PCLO: variants seen among roughly 807,000 people sequenced by gnomAD.
PCLO encodes the protein protein piccolo.
PCLO carries 82 observed loss-of-function variants against 427.5 expected under a neutral mutation model. The observed-to-expected ratio is 0.19, with a 90% CI of 0.16 to 0.23. The LOEUF is 0.23. Ranked by LOEUF, PCLO falls within the 10% of genes least tolerant of loss-of-function variation. PCLO has a pLI of 1.00. For missense variants in PCLO, 6,239 were observed against 6,115.9 expected (o/e 1.02, Z -0.67); for synonymous variants, 2,357 against 2,155.4 (o/e 1.09, Z -2.59).
At chr7:82,806,249 T>G (rs531532767) in intron 20 of PCLO, among the ~76,000 whole-genome samples, 1 of 152,236 alleles carries the variant, frequency 6.6e-6, no homozygotes, top group East Asian at 1.9e-4. Context: ...AAATTGCTTA[T>G]TTTTTTCCTA....
intron 3 of PCLO, among the ~76,000 whole-genome samples, chr7:83,073,003 T>C (rs1281622303): frequency 2.0e-5 from 3 of 151,976 alleles, no homozygotes; most frequent in African/African-American, 7.2e-5. Context: ...CTGTCTGTTT[T>C]ACTAGTCTAT....
chr7:83,095,384 C>A (rs1456043488), intron 3 of PCLO, among the ~76,000 whole-genome samples: 3 of 151,568 alleles, frequency 2.0e-5, no homozygotes, highest in Non-Finnish European at 4.4e-5. Flanking sequence ...TTAAAAAGTT[C>A]CTTGTTTTAT....
rs1402675628 is a variant in PCLO at position 82,965,828 on chromosome 7, C to T, written c.3960G>A (p.Gln1320=). The change falls in exon 4 of 25, where the codon CAG becomes CAA. Residue 1320 remains glutamine, a synonymous_variant. Transcript: ENST00000333891. ...DDKTTKTIKE[Q]PQPPCTAKPD... is the part of the protein sequence containing the mutation. ...GTTTTGCTGTGCATGGTGGCTGTGG[C>T]TGTTCTTTTATTGTTTTGGTTGTCT... 6.2e-7 allele frequency: 1 copy of T among 1,613,698 alleles called. No homozygotes were observed. Among genetic ancestry groups the T allele is most frequent in the Non-Finnish European group, 8.5e-7 (1 of 1,179,816 alleles).
At chr7:83,093,617 C>T (rs191617582) in intron 3 of PCLO, among the ~76,000 whole-genome samples, 3 of 147,738 alleles carry the variant, frequency 2.0e-5, no homozygotes, top group Admixed American at 1.4e-4. Flanking sequence ...CTCAGCCTCC[C>T]GAGTAGCTGG....
intron 3 of PCLO, among the ~76,000 whole-genome samples, chr7:83,030,137 AAAG>A (rs1205705892): frequency 1.3e-5 from 2 of 150,688 alleles, no homozygotes; most frequent in African/African-American, 4.8e-5. Flanking sequence ...AAAAAAAAGA[AAAG>A]AAAAGACTCA....
intron 3 of PCLO, among the ~76,000 whole-genome samples, chr7:83,036,915 C>A (rs879779841): frequency 2.0e-5 from 3 of 151,992 alleles, no homozygotes; most frequent in Non-Finnish European, 4.4e-5. Context: ...TTCAAAGTTA[C>A]TTCCTGGTCT....
At position 82,822,581 on chromosome 7, in the gene PCLO, G is replaced by A. The variant is rs1216172630; in HGVS notation, c.14705C>T (p.Thr4902Ile). The change falls in exon 20 of 25, where the codon ACC becomes ATC. Residue 4902 changes from threonine to isoleucine, a missense_variant. Transcript: ENST00000333891. Reference sequence around the variant, plus strand: ...TTCCAGGTGGGTCTGAGTGACGCTGGTTTTGCTTTGACTGCGAGATGGTCC... The same window carrying A: ...TTCCAGGTGGGTCTGAGTGACGCTGATTTTGCTTTGACTGCGAGATGGTCC... ...SHGPSRSQSK[T>I]SVTQTHLEDA... is the part of the protein sequence containing the mutation. 6.2e-7 allele frequency: 1 copy of A among 1,613,904 alleles called. No homozygotes were observed. Among genetic ancestry groups the A allele is most frequent in the Admixed American group, 1.7e-5 (1 of 59,996 alleles).
intron 2 of PCLO, among the ~76,000 whole-genome samples, chr7:83,150,101 T>A (rs963096077): frequency 1.3e-5 from 2 of 152,248 alleles, no homozygotes; most frequent in African/African-American, 4.8e-5. Flanking sequence ...ATTATGAAAT[T>A]TAATAAGAGT....
intron 2 of PCLO, among the ~76,000 whole-genome samples, chr7:83,153,064 T>A (rs1792177276): frequency 6.6e-6 from 1 of 151,912 alleles, no homozygotes; most frequent in African/African-American, 2.4e-5. Context: ...CACTATAAAG[T>A]GATCATCTAT....
chr7:82,761,387 G>T lies in PCLO; in HGVS notation c.15114C>A (p.Tyr5038Ter). 2 of 1,512,770 alleles carry T rather than the reference G, an allele frequency of 1.3e-6. No individual in the cohort carries two copies. The highest frequency in any genetic ancestry group is 1.8e-6 in the Non-Finnish European group (2 of 1,102,962). The allele number at this position is 1,512,770 out of a possible 1,614,324, so 93.7% of individuals were successfully genotyped here. A position where few individuals can be genotyped will look rare whatever the true frequency, so the allele number is the denominator to read the frequency against. The change falls in exon 23 of 25, where the codon TAC becomes TAA. Residue 5038 changes from tyrosine (Y) to a stop codon, truncating the protein, a stop_gained. Coordinates refer to ENST00000333891, the MANE Select transcript of PCLO (RefSeq NM_033026.6). LOFTEE classifies it high-confidence loss of function. The part of the protein sequence containing the change: ...VEILQCRNIT[Y>*]KFKSPDHLPD... The stretch of plus-strand genomic sequence containing the variant: ...GTAGATGATCAGGAGACTTAAATTT[G>T]TATGTAATATTTCTGCATTGGAGAA...
Position 83,162,445 on chromosome 7 carries a change from C to A in PCLO, c.148G>T (p.Glu50Ter), listed in dbSNP as rs752667654. 1 of 1,595,140 alleles carries A rather than the reference C, an allele frequency of 6.3e-7. No individual in the cohort carries two copies. Among genetic ancestry groups the A allele is most frequent in the Non-Finnish European group, 8.5e-7 (1 of 1,170,742 alleles). ...GCGGCGATCTGTCTCCTCTCCTCTT[C>A]GCTCAGCTGGCTCAAATCCGCCTCC... Reference protein sequence around the residue: ...GMEADLSQLSEEERRQIAAVM... With the variant: ...GMEADLSQLS The change falls in exon 1 of 25, where the codon GAA becomes TAA. Residue 50 changes from glutamate to a stop codon, truncating the protein, a stop_gained. Coordinates refer to ENST00000333891, the MANE Select transcript of PCLO (RefSeq NM_033026.6). LOFTEE classifies it high-confidence loss of function.
chr7:82,917,366 A>G (rs1359966272), intron 6 of PCLO, among the ~76,000 whole-genome samples: 1 of 152,044 alleles, frequency 6.6e-6, no homozygotes, highest in Admixed American at 6.6e-5. Flanking sequence ...TAATATTTCA[A>G]GATTTTCATG....
chr7:82,876,108 C>A (rs1793362662), intron 10 of PCLO, among the ~76,000 whole-genome samples: 1 of 151,986 alleles, frequency 6.6e-6, no homozygotes, highest in South Asian at 2.1e-4. Context: ...GCCTGGAAGT[C>A]ATTAAACAGG....
At chr7:82,944,631 G>A (rs117010726) in intron 6 of PCLO, among the ~76,000 whole-genome samples, 1 of 152,206 alleles carries the variant, frequency 6.6e-6, no homozygotes, top group East Asian at 1.9e-4. Context: ...GCAATTTCCA[G>A]AGAAGCAACA....
At chr7:82,890,051 A>T (rs1793721558) in intron 9 of PCLO, among the ~76,000 whole-genome samples, 1 of 151,376 alleles carries the variant, frequency 6.6e-6, no homozygotes, top group Non-Finnish European at 1.5e-5. Context: ...ATATTATTAT[A>T]TATACATACA....
chr7:82,837,422 A>G (rs1412346332), intron 15 of PCLO, among the ~76,000 whole-genome samples: 1 of 152,018 alleles, frequency 6.6e-6, no homozygotes, highest in Non-Finnish European at 1.5e-5. Flanking sequence ...TACCAACTCA[A>G]AGTTCTTTTT....
chr7:82,975,726 C>T (rs1488692009), intron 3 of PCLO, among the ~76,000 whole-genome samples: 1 of 151,986 alleles, frequency 6.6e-6, no homozygotes, highest in African/African-American at 2.4e-5. Context: ...AAATGTAATC[C>T]CCACGTGTGG....
chr7:82,956,781 C>A lies in PCLO; in HGVS notation c.4172G>T (p.Gly1391Val), dbSNP rs749529191. ...IPTDEKDILKGLKKDSFSQES... is the reference protein window; with the variant it reads ...IPTDEKDILKVLKKDSFSQES... ...TTGTGAAAAAGAGTCCTTTTTGAGT[C>A]CCTTGAGAATATCCTTTTCATCAGT... Residue 1391 changes from glycine to valine, a missense_variant, in exon 5 of 25, where the codon GGA becomes GTA. Physicochemically the swap from Gly to Val is moderately radical, Grantham distance 109. Around this residue, in one of 5 missense-constraint regions of PCLO, gnomAD observed 4,677 missense variants for 4,468.4 expected, o/e 1.05. Coordinates refer to ENST00000333891, the MANE Select transcript of PCLO (RefSeq NM_033026.6). The A allele has an allele frequency of 9.9e-6, 16 of 1,613,732 alleles. No homozygotes were observed. Among genetic ancestry groups the A allele is most frequent in the Non-Finnish European group, 1.4e-5 (16 of 1,179,754 alleles).
At chr7:82,889,110 C>A (rs1793698341) in intron 9 of PCLO, among the ~76,000 whole-genome samples, 1 of 152,068 alleles carries the variant, frequency 6.6e-6, no homozygotes, top group Non-Finnish European at 1.5e-5. Flanking sequence ...GCGCTCCAAC[C>A]TTTTGATACT....
Sources: allele counts gnomAD v4.1 joint callset (sites outside exome capture counted in the v4.1 genomes callset), GRCh38; gene constraint gnomAD v4.1.1; regional missense constraint gnomAD v4.1.1; transcripts MANE v1.5; gene names NCBI Gene and HGNC (gene_info 2026-07-23, HGNC 2026-07-21).